The following SCAPER variants were observed in gnomAD, a reference collection of about 807,000 sequenced individuals.
SCAPER encodes the protein S phase cyclin A-associated protein in the endoplasmic reticulum.
Under a neutral mutation model 182.2 loss-of-function variants are expected in SCAPER, and 98 were observed. The ratio of observed to expected loss-of-function variants is 0.54; its 90% CI spans 0.46 to 0.64. SCAPER has a LOEUF of 0.64. Ranked by LOEUF, SCAPER falls within the 30% of genes least tolerant of loss-of-function variation. The pLI, the probability that SCAPER is intolerant of heterozygous loss-of-function variation, is 0.00. For missense variants in SCAPER, 1,432 were observed against 1,690.0 expected, an observed-to-expected ratio of 0.85 and a Z score of 2.68; for synonymous variants, 605 against 564.6, an observed-to-expected ratio of 1.07 and a Z score of -1.01.
At chr15:76,730,717 A>G (rs1435446723) in intron 16 of SCAPER, among the ~76,000 whole-genome samples, 2 of 152,156 alleles carry the variant, frequency 1.3e-5, no homozygotes, top group African/African-American at 2.4e-5. Flanking sequence ...AGAATTTTTC[A>G]TTTCATATTT....
intron 2 of SCAPER, among the ~76,000 whole-genome samples, chr15:76,881,216 C>T (rs2404600): frequency 0.26 from 40,088 of 152,100 alleles, 6,233 homozygotes; most frequent in East Asian, 0.55. Flanking sequence ...ATGCCTCAGC[C>T]TCTCATGTAG....
chr15:76,722,241 G>A (rs919888448), intron 17 of SCAPER, among the ~76,000 whole-genome samples: 100 of 151,696 alleles, frequency 6.6e-4, no homozygotes, highest in Middle Eastern at 3.4e-3. Flanking sequence ...ATTGATTTGC[G>A]TATGTTGAAC....
intron 5 of SCAPER, among the ~76,000 whole-genome samples, chr15:76,813,227 TAAAA>T (rs746891532): frequency 8.1e-4 from 14 of 17,280 alleles, no homozygotes; most frequent in African/African-American, 3.1e-3. Flanking sequence ...ATCCTTTCAC[TAAAA>T]AAAAAAAAAA....
chr15:76,708,118 GC>G (rs2150840878), intron 17 of SCAPER, among the ~76,000 whole-genome samples: 1 of 152,112 alleles, frequency 6.6e-6, no homozygotes, highest in South Asian at 2.1e-4. Flanking sequence ...TAAAAAAATG[GC>G]ATAGTATTTG....
At chr15:76,653,125 C>T (rs279999) in intron 21 of SCAPER, among the ~76,000 whole-genome samples, 20,419 of 151,708 alleles carry the variant, frequency 0.13, 1,412 homozygotes, top group African/African-American at 0.17. Flanking sequence ...AATAGCCACA[C>T]GAAAAATGAA....
intron 1 of SCAPER, among the ~76,000 whole-genome samples, chr15:76,889,945 A>T (rs1328051658): frequency 6.6e-6 from 1 of 152,218 alleles, no homozygotes; most frequent in Admixed American, 6.5e-5. Flanking sequence ...AGCAAATGTA[A>T]AAGAAAAGAA....
At chr15:76,897,208 A>G (rs2074488199) in intron 1 of SCAPER, among the ~76,000 whole-genome samples, 1 of 152,182 alleles carries the variant, frequency 6.6e-6, no homozygotes, top group Non-Finnish European at 1.5e-5. Context: ...ACCACAGGAT[A>G]ATGGGGAATT....
rs753396427 is a variant in SCAPER, at chr15:76,771,964, C to T, written c.1036-10G>A. The stretch of plus-strand genomic sequence containing the variant: ...ATGTACTCACTGTGAACTAACAAAA[C>T]GTAGAGAATGAATCAGAGATAATTA... On this transcript the variant is annotated splice_polypyrimidine_tract_variant and intron_variant, in intron 9 of 31. Coordinates refer to ENST00000563290, the MANE Select transcript of SCAPER (RefSeq NM_020843.4). 4.4e-6 allele frequency: 7 copies of T among 1,586,120 alleles called. No individual in the cohort carries two copies. The highest frequency in any genetic ancestry group is 1.3e-5 in the African/African-American group (1 of 74,272).
intron 20 of SCAPER, among the ~76,000 whole-genome samples, chr15:76,679,590 C>T (rs1178485932): frequency 6.6e-6 from 1 of 152,140 alleles, no homozygotes; most frequent in Non-Finnish European, 1.5e-5. Context: ...TTATCAGTTA[C>T]AATTTATTTA....
At chr15:76,651,048 T>C (rs1308248849) in intron 21 of SCAPER, among the ~76,000 whole-genome samples, 1 of 151,956 alleles carries the variant, frequency 6.6e-6, no homozygotes, top group Non-Finnish European at 1.5e-5. Flanking sequence ...TATAATTACA[T>C]ATATTATAAA....
intron 22 of SCAPER, among the ~76,000 whole-genome samples, chr15:76,585,165 C>T (rs1180490866): frequency 6.6e-6 from 1 of 151,996 alleles, no homozygotes; most frequent in Non-Finnish European, 1.5e-5. Flanking sequence ...TCTTAAAAGT[C>T]AGGATAATAT....
At chr15:76,412,068 A>G (rs72738818) in intron 26 of SCAPER, among the ~76,000 whole-genome samples, 12,295 of 152,160 alleles carry the variant, frequency 0.081, 709 homozygotes, top group Non-Finnish European at 0.12. Context: ...TCTCAAATTA[A>G]TTTTGTATAT....
chr15:76,397,577 T>A (rs1010725767), intron 27 of SCAPER, among the ~76,000 whole-genome samples: 1 of 145,448 alleles, frequency 6.9e-6, no homozygotes, highest in Non-Finnish European at 1.5e-5. Flanking sequence ...ACCTCCCAGG[T>A]TCAAGCAATT....
chr15:76,765,237 T>C, intron 13 of SCAPER, 100 bp downstream of exon 13: 2 of 1,051,702 alleles, frequency 1.9e-6, no homozygotes, highest in Non-Finnish European at 2.8e-6. Context: ...TGTCCTGAAG[T>C]AATGTGTCCA....
At chr15:76,382,366 A>AT (rs10709753) in intron 27 of SCAPER, among the ~76,000 whole-genome samples, 148 of 145,384 alleles carry the variant, frequency 1.0e-3, no homozygotes, top group Admixed American at 2.6e-3. Context: ...TTTTTCTTTT[A>AT]TTTTTTTTTT....
At chr15:76,363,753 C>T (rs1385754366) in intron 29 of SCAPER, among the ~76,000 whole-genome samples, 1 of 152,136 alleles carries the variant, frequency 6.6e-6, no homozygotes, top group Admixed American at 6.5e-5. Context: ...ATCATTGGAA[C>T]AAAGAATATT....
intron 23 of SCAPER, among the ~76,000 whole-genome samples, chr15:76,544,239 T>C (rs1255752282): frequency 6.6e-6 from 1 of 152,120 alleles, no homozygotes; most frequent in Non-Finnish European, 1.5e-5. Context: ...GTGAAACAGG[T>C]GCTTTGGAAA....
At position 76,759,360 on chromosome 15, in the gene SCAPER, A is replaced by C. The variant is rs566073797; in HGVS notation, c.1726-5412T>G. The stretch of plus-strand genomic sequence containing the variant: ...GGCATCTGATAAGGTTCTTCTTACT[A>C]AATCAACCCTGGAGGAAAGGAAGAG... On this transcript the variant is annotated intron_variant, in intron 14 of 31. Transcript: ENST00000563290. 1.1e-3 allele frequency among the ~76,000 whole-genome samples: 169 copies of C among 152,280 alleles called. 1 individual carries two copies. In the Middle Eastern group the frequency reaches 0.024, roughly 21 times the overall value.
rs80187630 is a variant in SCAPER at position 76,683,159 on chromosome 15, G to A, written c.2509-17370C>T. The stretch of plus-strand genomic sequence containing the variant: ...CCCAACCCAAGTATCTAAGAAATAC[G>A]ATGAAACAATGCAGGAGTTAAAAAA... On this transcript the variant is annotated intron_variant, in intron 20 of 31. Coordinates refer to ENST00000563290, the MANE Select transcript of SCAPER (RefSeq NM_020843.4). 1.8e-3 allele frequency among the ~76,000 whole-genome samples: 276 copies of A among 151,714 alleles called. 1 individual carries two copies. The highest frequency in any genetic ancestry group is 6.5e-3 in the African/African-American group (267 of 41,330).
Sources: gnomAD v4.1 joint callset for allele counts (sites outside exome capture counted in the v4.1 genomes callset) on GRCh38, gnomAD v4.1.1 for gene constraint, MANE v1.5 for transcripts, NCBI Gene and HGNC (gene_info 2026-07-23, HGNC 2026-07-21) for gene names.